The following SV2B variants were observed in gnomAD, a reference collection of about 807,000 sequenced individuals.
SV2B encodes solute carrier family 22 member B2.
A neutral mutation model predicts 73.9 loss-of-function variants in SV2B; 41 were observed. The ratio of observed to expected loss-of-function variants is 0.56; its 90% CI spans 0.43 to 0.72. The LOEUF (loss-of-function observed/expected upper bound fraction) is 0.72, where lower values mean the gene tolerates loss of function less well. SV2B is among the 30% of genes least tolerant of loss of function. The probability of loss-of-function intolerance (pLI) is 0.00; values close to 1 mark genes in which losing one functional copy is unlikely to be tolerated. For synonymous variants in SV2B, 314 were observed against 314.2 expected, an observed-to-expected ratio of 1.00 and a Z score of 0.01; for missense variants, 764 against 857.8, an observed-to-expected ratio of 0.89 and a Z score of 1.37.
intron 1 of SV2B, among the ~76,000 whole-genome samples, chr15:91,167,359 C>T (rs902317980): frequency 1.3e-5 from 2 of 152,148 alleles, no homozygotes; most frequent in Non-Finnish European, 2.9e-5. Context: ...CAAATTACCA[C>T]AAACTCTTGG....
At chr15:91,133,902 A>G (rs2042732490) in intron 1 of SV2B, among the ~76,000 whole-genome samples, 1 of 152,102 alleles carries the variant, frequency 6.6e-6, no homozygotes, top group African/African-American at 2.4e-5. Context: ...GGAAACGTCC[A>G]CATGCACATG....
chr15:91,247,595 G>C (rs2047288389), intron 2 of SV2B, among the ~76,000 whole-genome samples: 1 of 152,204 alleles, frequency 6.6e-6, no homozygotes, highest in Admixed American at 6.5e-5. Context: ...TCTCTTAAGA[G>C]AGGCCCTGGC....
At position 91,281,813 on chromosome 15, in the gene SV2B, A is replaced by G. The variant is rs1318139131; in HGVS notation, c.1459A>G (p.Thr487Ala). The change falls in exon 10 of 13, where the codon ACC becomes GCC. Residue 487 changes from threonine to alanine, a missense_variant. By Grantham distance (58) the Thr-to-Ala change is moderately conservative (BLOSUM62 0). Coordinates refer to ENST00000394232, the MANE Select transcript of SV2B (RefSeq NM_001323032.3). The surrounding 1 kb of genome is among the most constrained non-coding windows in gnomAD (Gnocchi z 4.7). ...TTTTGAAGACGTAACATCAACAGATACCTACTTCAAAAATTGTACCATTGA... is the reference window on the plus strand; with the variant it reads ...TTTTGAAGACGTAACATCAACAGATGCCTACTTCAAAAATTGTACCATTGA... ...CYFEDVTSTDTYFKNCTIEST... is the reference protein window; with the variant it reads ...CYFEDVTSTDAYFKNCTIEST... 1.2e-6 allele frequency: 2 copies of G among 1,613,270 alleles called. No individual in the cohort carries two copies. The highest frequency in any genetic ancestry group is 2.7e-5 in the African/African-American group (2 of 75,006).
In SV2B at chr15:91,124,655, C is replaced by CA. The variant is rs200751464; in HGVS notation, c.-392+24297dup. Among the ~76,000 whole-genome samples the CA allele has an allele frequency of 6.6e-6, 1 of 151,162 alleles. No individual in the cohort carries two copies. Among genetic ancestry groups the CA allele is most frequent in the Non-Finnish European group, 1.5e-5 (1 of 67,922 alleles). On this transcript the variant is annotated intron_variant, in intron 1 of 12. Coordinates refer to ENST00000394232, the MANE Select transcript of SV2B (RefSeq NM_001323032.3). This position sits in a 1 kb window ranked among gnomAD's most constrained non-coding sequence, Gnocchi z 4.6. Reference sequence around the variant, plus strand: ...AACAACAGAAATTTCTTTCTTTCAACAAAAATTTTTTTTTTTTTGAGACAG... The same window carrying CA: ...AACAACAGAAATTTCTTTCTTTCAACAAAAAATTTTTTTTTTTTTGAGACAG...
chr15:91,222,582 A>G (rs912009674), intron 1 of SV2B, among the ~76,000 whole-genome samples: 2 of 152,110 alleles, frequency 1.3e-5, no homozygotes, highest in Non-Finnish European at 2.9e-5. Context: ...AGAGTTGGAA[A>G]CTCAGTGTCA....
intron 6 of SV2B, among the ~76,000 whole-genome samples, chr15:91,264,271 G>A (rs999007127): frequency 4.6e-5 from 7 of 152,238 alleles, no homozygotes; most frequent in African/African-American, 1.7e-4. Context: ...CTCTCCTGAC[G>A]ATGCATTCTA....
rs2049334722 is a variant in SV2B, at chr15:91,298,738, T to C, written c.*6186T>C. On this transcript the variant is annotated 3_prime_UTR_variant, in exon 13 of 13. Transcript: ENST00000394232. The surrounding 1 kb of genome is among the most constrained non-coding windows in gnomAD (Gnocchi z 5.4). Reference sequence around the variant, plus strand: ...AAATTTCAGAGACCATTAATATGTATTCCTTTAGAAAGCAAAGGTCTTTCA... The same window carrying C: ...AAATTTCAGAGACCATTAATATGTACTCCTTTAGAAAGCAAAGGTCTTTCA... 1 of 152,164 alleles carries C rather than the reference T, an allele frequency of 6.6e-6. No individual in the cohort carries two copies. The highest frequency in any genetic ancestry group is 2.1e-4 in the South Asian group (1 of 4,826). The allele number at this position is 152,164 out of a possible 1,614,324, so 9.4% of individuals were successfully genotyped here. A position where few individuals can be genotyped will look rare whatever the true frequency, so the allele number is the denominator to read the frequency against.
At chr15:91,210,653 T>C (rs1233842799) in intron 1 of SV2B, among the ~76,000 whole-genome samples, 1 of 152,190 alleles carries the variant, frequency 6.6e-6, no homozygotes, top group Non-Finnish European at 1.5e-5. Context: ...TACATCTGTA[T>C]CCACAAAGTT....
Position 91,224,747 on chromosome 15 carries a change from T to C in SV2B, c.-391-1126T>C, listed in dbSNP as rs1841594467. On this transcript the variant is annotated intron_variant, in intron 1 of 12. Transcript: ENST00000394232. This position sits in a 1 kb window ranked among gnomAD's most constrained non-coding sequence, Gnocchi z 4.9. ...ACAGATGATTTTTTTTCTTTCTTTT[T>C]TTGCTGTTGTGGGAATTACAGATAA... Among the ~76,000 whole-genome samples, 2 of 152,154 alleles carry C rather than the reference T, an allele frequency of 1.3e-5. No homozygotes were observed. The highest frequency in any genetic ancestry group is 6.5e-5 in the Admixed American group (1 of 15,282).
At chr15:91,247,993 C>T (rs1265240800) in intron 2 of SV2B, among the ~76,000 whole-genome samples, 4 of 152,186 alleles carry the variant, frequency 2.6e-5, no homozygotes, top group South Asian at 4.2e-4. Context: ...TTATCATAGT[C>T]GTACATATTT....
Position 91,283,967 on chromosome 15 carries a change from C to T in SV2B, c.1508-54C>T. 6.3e-7 allele frequency: 1 copy of T among 1,590,934 alleles called. No individual in the cohort carries two copies. On this transcript the variant is annotated intron_variant, in intron 10 of 12. Coordinates refer to ENST00000394232, the MANE Select transcript of SV2B (RefSeq NM_001323032.3). The surrounding 1 kb of genome is among the most constrained non-coding windows in gnomAD (Gnocchi z 4.3). ...AGACTTCATCCCTGCCTCTGCCTTT[C>T]TCTCTCCAGCTCCCTTCCACTTACA...
intron 1 of SV2B, among the ~76,000 whole-genome samples, chr15:91,198,451 GTGTA>G (rs1411061999): frequency 5.0e-5 from 6 of 120,450 alleles, no homozygotes; most frequent in East Asian, 5.0e-4. Flanking sequence ...CAAGAAGCAC[GTGTA>G]TGTGTGTGTG....
rs2049018808 is a variant in SV2B at position 91,290,907 on chromosome 15, A to C, written c.1868+1227A>C. On this transcript the variant is annotated intron_variant, in intron 12 of 12. Coordinates refer to ENST00000394232, the MANE Select transcript of SV2B (RefSeq NM_001323032.3). This position sits in a 1 kb window ranked among gnomAD's most constrained non-coding sequence, Gnocchi z 4.7. Reference sequence around the variant, plus strand: ...CATGTGCCTGTAGTCCTAGCTGCTCAGGAGGCTGAGGGGGAGAGCTGCGAG... The same window carrying C: ...CATGTGCCTGTAGTCCTAGCTGCTCCGGAGGCTGAGGGGGAGAGCTGCGAG... Among the ~76,000 whole-genome samples, 1 of 152,024 alleles carries C rather than the reference A, an allele frequency of 6.6e-6. No homozygotes were observed.
In SV2B at chr15:91,268,486, T is replaced by C. The variant is rs748786751; in HGVS notation, c.1254T>C (p.Phe418=). The part of the protein sequence containing the change: ...TVWFPDMIRY[F]QDEEYKSKMK... ...GGTTTCCTGATATGATCCGCTATTT[T>C]CAAGATGAAGAATACAAGTCTAAAA... is the stretch of plus-strand genomic sequence containing the variant. Residue 418 remains phenylalanine (F), a synonymous_variant, in exon 9 of 13, where the codon TTT becomes TTC. Transcript: ENST00000394232. The surrounding 1 kb of genome is among the most constrained non-coding windows in gnomAD (Gnocchi z 4.4). 5 of 1,614,142 alleles carry C rather than the reference T, an allele frequency of 3.1e-6. No homozygotes were observed. The highest frequency in any genetic ancestry group is 1.6e-4 in the Middle Eastern group (1 of 6,062).
At chr15:91,271,707 C>T (rs2048323085) in intron 9 of SV2B, among the ~76,000 whole-genome samples, 1 of 152,054 alleles carries the variant, frequency 6.6e-6, no homozygotes, top group African/African-American at 2.4e-5. Flanking sequence ...CCTTTGAAAG[C>T]GATCTAAGGA....
chr15:91,188,004 C>A (rs1243271862), intron 1 of SV2B, among the ~76,000 whole-genome samples: 2 of 151,740 alleles, frequency 1.3e-5, no homozygotes, highest in African/African-American at 4.8e-5. Context: ...GTATGTATTA[C>A]TAAGAAATTT....
In SV2B at chr15:91,267,968, A is replaced by G. The variant is rs2048164396; in HGVS notation, c.1208+325A>G. Among the ~76,000 whole-genome samples, 1 of 151,948 alleles carries G rather than the reference A, an allele frequency of 6.6e-6. No individual in the cohort carries two copies. The highest frequency in any genetic ancestry group is 1.9e-4 in the East Asian group (1 of 5,174). On this transcript the variant is annotated intron_variant, in intron 8 of 12. Coordinates refer to ENST00000394232, the MANE Select transcript of SV2B (RefSeq NM_001323032.3). The surrounding 1 kb of genome is among the most constrained non-coding windows in gnomAD (Gnocchi z 4.3). ...CAGATGTGTGCCACCACACCTGGAT[A>G]ATTTTTGTATTTTTAGTAGAGATGG...
rs1247037834 is a variant in SV2B, at chr15:91,284,991, A to C, written c.1708+770A>C. ...TATGAGTCAAGGCCAGGGGTGGGGA[A>C]GTGGACAACACATTATTAATAAACA... On this transcript the variant is annotated intron_variant, in intron 11 of 12. Coordinates refer to ENST00000394232, the MANE Select transcript of SV2B (RefSeq NM_001323032.3). This position sits in a 1 kb window ranked among gnomAD's most constrained non-coding sequence, Gnocchi z 4.5. 6.6e-6 allele frequency among the ~76,000 whole-genome samples: 1 copy of C among 152,184 alleles called. No individual in the cohort carries two copies. The highest frequency in any genetic ancestry group is 1.5e-5 in the Non-Finnish European group (1 of 68,026).
intron 12 of SV2B, among the ~76,000 whole-genome samples, chr15:91,291,626 A>G (rs1053632831): frequency 3.3e-5 from 5 of 152,200 alleles, no homozygotes; most frequent in African/African-American, 7.2e-5. Context: ...CTGTGGTCTT[A>G]AGAAGGTTAA....
Sources: allele counts gnomAD v4.1 joint callset (sites outside exome capture counted in the v4.1 genomes callset), GRCh38; gene constraint gnomAD v4.1.1; non-coding constraint Gnocchi (gnomAD v3.1); transcripts MANE v1.5; gene names NCBI Gene and HGNC (gene_info 2026-07-23, HGNC 2026-07-21).